Variants in AP2B1 observed in about 807,000 individuals in gnomAD.
AP2B1 encodes AP-2 complex subunit beta.
In AP2B1, 23 loss-of-function variants were observed where a neutral mutation model predicts 102.0. That is an observed-to-expected ratio of 0.23 (90% CI 0.16 to 0.32). The LOEUF is 0.32. Ranked by LOEUF, AP2B1 falls within the 10% of genes least tolerant of loss-of-function variation. AP2B1 has a pLI of 1.00. For synonymous variants in AP2B1, 381 were observed against 421.2 expected (o/e 0.90, Z 1.17); for missense variants, 541 against 1,157.4 (o/e 0.47, Z 7.73).
chr17:35,722,890 A>G (rs933678250), intron 21 of AP2B1, among the ~76,000 whole-genome samples: 6 of 152,208 alleles, frequency 3.9e-5, no homozygotes, highest in Non-Finnish European at 7.3e-5. Context: ...ACAAAGTGAA[A>G]TTCTCAATAT....
rs558634560 is a variant in AP2B1 at position 35,615,739 on chromosome 17, C to T, written c.525+7352C>T. Among the ~76,000 whole-genome samples, 42 of 152,006 alleles carry T rather than the reference C, an allele frequency of 2.8e-4. 1 individual carries two copies. Among genetic ancestry groups the T allele is most frequent in the Middle Eastern group, 3.4e-3 (1 of 294 alleles). On this transcript the variant is annotated intron_variant, in intron 5 of 21. Transcript: ENST00000610402. Reference sequence around the variant, plus strand: ...TGTAATACTTTTCATATCAAATGTCCATGAAGGAGTTAGAGCTGGCAGAAT... The same window carrying T: ...TGTAATACTTTTCATATCAAATGTCTATGAAGGAGTTAGAGCTGGCAGAAT...
At chr17:35,669,739 T>C (rs539609047) in intron 14 of AP2B1, among the ~76,000 whole-genome samples, 1 of 152,354 alleles carries the variant, frequency 6.6e-6, no homozygotes, top group Non-Finnish European at 1.5e-5. Context: ...TAAATCCTCT[T>C]TCCCCAATCT....
At chr17:35,656,711 G>C (rs1008278119) in intron 13 of AP2B1, among the ~76,000 whole-genome samples, 1 of 151,610 alleles carries the variant, frequency 6.6e-6, no homozygotes, top group Non-Finnish European at 1.5e-5. Flanking sequence ...GTGATACCCC[G>C]TCTCTACTAA....
At chr17:35,716,411 C>T (rs1555589924) in intron 20 of AP2B1, among the ~76,000 whole-genome samples, 2 of 152,162 alleles carry the variant, frequency 1.3e-5, no homozygotes, top group Non-Finnish European at 2.9e-5. Flanking sequence ...AAAACACCAA[C>T]CCATTCTTAC....
In AP2B1 at chr17:35,725,244, T is replaced by C. The variant is rs1555594905; in HGVS notation, c.*1545T>C. ...GCCTGTTTAGCAGTGTTACACTGTTTGATCTGCGGGCACTTGTTGCATTGC... is the reference window on the plus strand; with the variant it reads ...GCCTGTTTAGCAGTGTTACACTGTTCGATCTGCGGGCACTTGTTGCATTGC... On this transcript the variant is annotated 3_prime_UTR_variant, in exon 22 of 22. Coordinates refer to ENST00000610402, the MANE Select transcript of AP2B1 (RefSeq NM_001030006.2). 1 of 152,202 alleles carries C rather than the reference T, an allele frequency of 6.6e-6. No homozygotes were observed. The allele number at this position is 152,202 out of a possible 1,614,324, so 9.4% of individuals were successfully genotyped here. A position where few individuals can be genotyped will look rare whatever the true frequency, so the allele number is the denominator to read the frequency against.
rs116310939 is a variant in AP2B1, at chr17:35,619,095, T to G, written c.526-5302T>G. 8.5e-3 allele frequency among the ~76,000 whole-genome samples: 1,288 copies of G among 152,286 alleles called. 11 individuals are homozygous for G. The highest frequency in any genetic ancestry group is 0.026 in the African/African-American group (1,065 of 41,552). On this transcript the variant is annotated intron_variant, in intron 5 of 21. Coordinates refer to ENST00000610402, the MANE Select transcript of AP2B1 (RefSeq NM_001030006.2). Reference sequence around the variant, plus strand: ...AAGTATTAGTACTCAGACACTGGAATCAGATGCAGACCTTGAGTTCAGATT... The same window carrying G: ...AAGTATTAGTACTCAGACACTGGAAGCAGATGCAGACCTTGAGTTCAGATT...
chr17:35,664,843 C>T (rs1195164472), intron 14 of AP2B1, among the ~76,000 whole-genome samples: 4 of 152,132 alleles, frequency 2.6e-5, no homozygotes, highest in Non-Finnish European at 5.9e-5. Flanking sequence ...TTACTATATT[C>T]ATCATTGAGT....
intron 20 of AP2B1, among the ~76,000 whole-genome samples, chr17:35,710,767 A>G (rs78956369): frequency 4.4e-4 from 67 of 152,332 alleles, no homozygotes; most frequent in African/African-American, 1.6e-3. Context: ...ATAATGTATC[A>G]TCATTAGTGA....
chr17:35,643,306 G>A (rs995577859), intron 12 of AP2B1, among the ~76,000 whole-genome samples: 1 of 152,174 alleles, frequency 6.6e-6, no homozygotes, highest in African/African-American at 2.4e-5. Flanking sequence ...CATTATTAGA[G>A]CAGCTCACAT....
At chr17:35,609,624 T>C (rs1261119087) in intron 5 of AP2B1, among the ~76,000 whole-genome samples, 1 of 152,102 alleles carries the variant, frequency 6.6e-6, no homozygotes, top group Non-Finnish European at 1.5e-5. Flanking sequence ...TGGGATTACA[T>C]GTGTGAGCCA....
chr17:35,595,632 T>A (rs1319205388), intron 2 of AP2B1, among the ~76,000 whole-genome samples: 2 of 152,186 alleles, frequency 1.3e-5, no homozygotes, highest in Non-Finnish European at 2.9e-5. Flanking sequence ...CTAACAGTGC[T>A]TGGTAGATTT....
chr17:35,614,179 TTTTA>T (rs1365798065), intron 5 of AP2B1, among the ~76,000 whole-genome samples: 2 of 152,062 alleles, frequency 1.3e-5, no homozygotes, highest in Non-Finnish European at 2.9e-5. Context: ...TGCTTTTTGT[TTTTA>T]TTTATTTTAA....
intron 13 of AP2B1, among the ~76,000 whole-genome samples, chr17:35,651,467 T>C (rs972060666): frequency 2.0e-5 from 3 of 152,164 alleles, no homozygotes; most frequent in African/African-American, 7.2e-5. Flanking sequence ...TTACAATGGG[T>C]ATCTCAGAAT....
intron 12 of AP2B1, among the ~76,000 whole-genome samples, chr17:35,647,743 A>G (rs999365234): frequency 2.6e-5 from 4 of 152,214 alleles, no homozygotes; most frequent in African/African-American, 9.6e-5. Context: ...AACTACTGCT[A>G]TTGAACTGGA....
chr17:35,695,188 AGAG>A (rs1374110393), intron 18 of AP2B1, among the ~76,000 whole-genome samples: 3 of 152,192 alleles, frequency 2.0e-5, no homozygotes, highest in African/African-American at 7.2e-5. Flanking sequence ...GGCTGCTAGA[AGAG>A]GAGAGGATTA....
intron 9 of AP2B1, 112 bp from the exon 10 acceptor site, chr17:35,636,229 G>A: frequency 1.5e-6 from 1 of 653,464 alleles, no homozygotes; most frequent in Non-Finnish European, 2.7e-6. Flanking sequence ...TTAAGTGCCT[G>A]ATCATTTAGT....
chr17:35,658,085 T>C (rs1025989220), intron 14 of AP2B1, among the ~76,000 whole-genome samples: 2 of 152,216 alleles, frequency 1.3e-5, no homozygotes, highest in African/African-American at 4.8e-5. Flanking sequence ...TAGTATCTTT[T>C]CCAGAGTTTA....
In AP2B1 at chr17:35,715,712, G is replaced by A. The variant is rs115365571; in HGVS notation, c.2627-1483G>A. On this transcript the variant is annotated intron_variant, in intron 20 of 21. Transcript: ENST00000610402. ...CAAGGTGATTAAAAGGGCATATTGA[G>A]GCCCCTTCTTCCAGCAATATTGCAT... 4.1e-3 allele frequency among the ~76,000 whole-genome samples: 632 copies of A among 152,310 alleles called. 7 individuals carry two copies. Among genetic ancestry groups the A allele is most frequent in the African/African-American group, 0.015 (610 of 41,574 alleles).
At chr17:35,612,931 T>C (rs529312482) in intron 5 of AP2B1, among the ~76,000 whole-genome samples, 2 of 151,434 alleles carry the variant, frequency 1.3e-5, no homozygotes, top group South Asian at 4.2e-4. Flanking sequence ...TTTCTCAAAG[T>C]GTTTACGTTT....
Sources: gnomAD v4.1 joint callset for allele counts (sites outside exome capture counted in the v4.1 genomes callset) on GRCh38, gnomAD v4.1.1 for gene constraint, MANE v1.5 for transcripts, NCBI Gene and HGNC (gene_info 2026-07-23, HGNC 2026-07-21) for gene names.